The following MYO7A variants were observed in gnomAD, a reference collection of about 807,000 sequenced individuals.
MYO7A encodes the protein unconventional myosin-VIIa.
Under a neutral mutation model 263.8 loss-of-function variants are expected in MYO7A, and 210 were observed. The ratio of observed to expected loss-of-function variants is 0.80; its 90% CI spans 0.71 to 0.89. The LOEUF (loss-of-function observed/expected upper bound fraction) is 0.89, where lower values mean the gene tolerates loss of function less well. Among genes scored for constraint, MYO7A ranks in the 40% least tolerant of loss-of-function variants. MYO7A has a pLI of 0.00. For synonymous variants in MYO7A, 1,239 were observed against 1,197.3 expected, an observed-to-expected ratio of 1.03 and a Z score of -0.72; for missense variants, 2,820 against 2,968.3, an observed-to-expected ratio of 0.95 and a Z score of 1.16.
At chr11:77,135,315 T>C (rs1950877266) in intron 2 of MYO7A, among the ~76,000 whole-genome samples, 1 of 152,242 alleles carries the variant, frequency 6.6e-6, no homozygotes, top group Non-Finnish European at 1.5e-5. Flanking sequence ...AATCATACAC[T>C]ATTTGTCTTT....
At position 77,176,324 on chromosome 11, in the gene MYO7A, T is replaced by A. The variant is rs537060750; in HGVS notation, c.2187+860T>A. On this transcript the variant is annotated intron_variant, in intron 18 of 48. Transcript: ENST00000409709. ...CAAGATGTGATGAATGTTCCCTGCCTGTGCCTCCCACAGCTGTCAGCCAGA... is the reference window on the plus strand; with the variant it reads ...CAAGATGTGATGAATGTTCCCTGCCAGTGCCTCCCACAGCTGTCAGCCAGA... 3.6e-3 allele frequency among the ~76,000 whole-genome samples: 552 copies of A among 152,368 alleles called. 4 individuals carry two copies. The highest frequency in any genetic ancestry group is 0.014 in the Middle Eastern group (4 of 294).
chr11:77,198,236 A>G (rs983912219), intron 33 of MYO7A, among the ~76,000 whole-genome samples: 1 of 152,190 alleles, frequency 6.6e-6, no homozygotes, highest in South Asian at 2.1e-4. Context: ...ATCCCGCCTT[A>G]GTGCAGGGCA....
chr11:77,168,600 G>T (rs1555074126), intron 15 of MYO7A, among the ~76,000 whole-genome samples: 3 of 152,164 alleles, frequency 2.0e-5, no homozygotes, highest in Admixed American at 6.5e-5. Context: ...TTCAAGACCA[G>T]CCTGGGCAAC....
At chr11:77,164,424 A>C (rs557785305) in intron 14 of MYO7A, among the ~76,000 whole-genome samples, 1 of 152,098 alleles carries the variant, frequency 6.6e-6, no homozygotes, top group Non-Finnish European at 1.5e-5. Context: ...ATTTTTTTTT[A>C]AAAAAGGCCA....
At position 77,171,762 on chromosome 11, in the gene MYO7A, C is replaced by G. The variant is rs138798491; in HGVS notation, c.1798-986C>G. Among the ~76,000 whole-genome samples the G allele has an allele frequency of 2.0e-5, 3 of 152,338 alleles. No individual in the cohort carries two copies. The East Asian group carries it at 5.8e-4, about 29-fold the overall frequency. On this transcript the variant is annotated intron_variant, in intron 15 of 48. Coordinates refer to ENST00000409709, the MANE Select transcript of MYO7A (RefSeq NM_000260.4). ...TGAAAATTGCCAGGAAAACACTAAT[C>G]AAGATGCTTTGGAACAAAACCTAAG...
intron 15 of MYO7A, among the ~76,000 whole-genome samples, chr11:77,166,874 G>A (rs1355022626): frequency 6.6e-6 from 1 of 152,088 alleles, no homozygotes; most frequent in African/African-American, 2.4e-5. Flanking sequence ...GTGGTTTTGT[G>A]ACCCACCACA....
intron 4 of MYO7A, among the ~76,000 whole-genome samples, chr11:77,153,372 T>C (rs1238014454): frequency 6.6e-6 from 1 of 152,068 alleles, no homozygotes; most frequent in Admixed American, 6.5e-5. Context: ...AGCTCTGGTC[T>C]GGATGTGCTG....
intron 15 of MYO7A, among the ~76,000 whole-genome samples, chr11:77,166,835 G>A (rs1471973217): frequency 6.6e-6 from 1 of 152,156 alleles, no homozygotes; most frequent in African/African-American, 2.4e-5. Context: ...TCTCCCTGAG[G>A]GTCCCCCTCT....
chr11:77,175,233 G>A lies in MYO7A; in HGVS notation c.2095-139G>A, dbSNP rs797031117. ...AAGGAGAAAACTGGGGCTCAGAGAA[G>A]GCAGGACCCAGCTGAGGTCACACTT... is the stretch of plus-strand genomic sequence containing the variant. On this transcript the variant is annotated intron_variant, in intron 17 of 48. Coordinates refer to ENST00000409709, the MANE Select transcript of MYO7A (RefSeq NM_000260.4). 7 of 773,270 alleles carry A rather than the reference G, an allele frequency of 9.1e-6. No individual in the cohort carries two copies. In the African/African-American group the frequency reaches 1.0e-4, roughly 11 times the overall value. 47.9% of individuals were successfully genotyped at this position (773,270 alleles called of 1,614,324 possible). A position where few individuals can be genotyped will look rare whatever the true frequency, so the allele number is the denominator to read the frequency against.
intron 2 of MYO7A, among the ~76,000 whole-genome samples, chr11:77,134,573 C>T (rs1334291732): frequency 6.6e-6 from 1 of 151,126 alleles, no homozygotes; most frequent in Non-Finnish European, 1.5e-5. Context: ...GCTCAAGCAG[C>T]CCTCCTGCCT....
rs1248663927 is a variant in MYO7A at position 77,211,801 on chromosome 11, T to C, written c.6238-20T>C. 6.2e-7 allele frequency: 1 copy of C among 1,605,356 alleles called. No homozygotes were observed. Among genetic ancestry groups the C allele is most frequent in the Non-Finnish European group, 8.5e-7 (1 of 1,172,392 alleles). ...CTGTCCCCAGGACTGAGCCCAGCCC[T>C]GACCGCCCTGTCCCCATAGTCCATC... is the stretch of plus-strand genomic sequence containing the variant. On this transcript the variant is annotated intron_variant, in intron 45 of 48. Transcript: ENST00000409709.
chr11:77,174,870 C>A lies in MYO7A; in HGVS notation c.2050C>A (p.Arg684=). 1.2e-6 allele frequency: 2 copies of A among 1,613,692 alleles called. No homozygotes were observed. Among genetic ancestry groups the A allele is most frequent in the African/African-American group, 1.3e-5 (1 of 75,060 alleles). ...IRYSFVEFVE[R]YRVLLPGVKP... is the part of the protein sequence containing the mutation. ...CTACAGCTTCGTAGAGTTTGTGGAG[C>A]GGTACCGTGTGCTGCTGCCAGGTGT... The change falls in exon 17 of 49, where the codon CGG becomes AGG. Residue 684 remains arginine, a synonymous_variant. Coordinates refer to ENST00000409709, the MANE Select transcript of MYO7A (RefSeq NM_000260.4).
chr11:77,166,197 G>A (rs782593542), intron 15 of MYO7A, 35 bp downstream of exon 15: 3 of 1,572,356 alleles, frequency 1.9e-6, no homozygotes, highest in Admixed American at 1.7e-5. Context: ...TTCGGGAAGG[G>A]CCCCCACGGG....
At chr11:77,133,582 T>G (rs1159037501) in intron 2 of MYO7A, among the ~76,000 whole-genome samples, 1 of 152,262 alleles carries the variant, frequency 6.6e-6, no homozygotes, top group East Asian at 1.9e-4. Flanking sequence ...GAAATCCTTC[T>G]ACTTTTAACC....
At chr11:77,168,408 A>G (rs1953762538) in intron 15 of MYO7A, among the ~76,000 whole-genome samples, 3 of 152,228 alleles carry the variant, frequency 2.0e-5, no homozygotes, top group South Asian at 4.1e-4. Context: ...CTTCTGAGCC[A>G]GGCTATGAGC....
rs932793980 is a variant in MYO7A, at chr11:77,207,399, C to T, written c.5853C>T (p.Asp1951=). 1.2e-5 allele frequency: 19 copies of T among 1,601,016 alleles called. No homozygotes were observed. The highest frequency in any genetic ancestry group is 1.5e-5 in the Non-Finnish European group (18 of 1,172,478). ...TCAGCCTCTTTGTCAAAATTGCAGA[C>T]AAGGTGGGTCCTTTGCCACCTTCGC... ...EGFSLFVKIA[D]KVLSVPENDF... The change falls in exon 42 of 49, where the codon GAC becomes GAT. Residue 1951 remains aspartate, a synonymous_variant. Coordinates refer to ENST00000409709, the MANE Select transcript of MYO7A (RefSeq NM_000260.4).
Position 77,203,111 on chromosome 11 carries a change from C to T in MYO7A, c.5220C>T (p.Gly1740=). Residue 1740 remains glycine (G), a synonymous_variant, in exon 38 of 49, where the codon GGC becomes GGT. Transcript: ENST00000409709. ...LSRVMVSKAR[G]KDRLWSHTRE... ...GTGTCATGGTGTCCAAGGCCCGAGG[C>T]AAGGACCGGCTGTGGAGCCACACGC... 8.4e-6 allele frequency: 13 copies of T among 1,549,436 alleles called. No homozygotes were observed. The highest frequency in any genetic ancestry group is 1.1e-5 in the Non-Finnish European group (13 of 1,147,214).
intron 29 of MYO7A, 22 bp from the exon 30 acceptor site, chr11:77,190,675 A>G (rs916457369): frequency 6.4e-7 from 1 of 1,571,892 alleles, no homozygotes; most frequent in East Asian, 2.3e-5. Context: ...GGACCCCACA[A>G]ACCCTCTTGG....
At chr11:77,132,690 T>C (rs1442733768) in intron 2 of MYO7A, among the ~76,000 whole-genome samples, 2 of 152,216 alleles carry the variant, frequency 1.3e-5, no homozygotes, top group East Asian at 1.9e-4. Flanking sequence ...GGTTTCACCA[T>C]GTTGGCCAGG....
Sources: allele counts gnomAD v4.1 joint callset (sites outside exome capture counted in the v4.1 genomes callset), GRCh38; gene constraint gnomAD v4.1.1; transcripts MANE v1.5; gene names NCBI Gene and HGNC (gene_info 2026-07-23, HGNC 2026-07-21).